Variants in SLC16A5 observed in about 807,000 individuals in gnomAD.
SLC16A5 encodes monocarboxylate transporter 6.
SLC16A5 carries 29 observed loss-of-function variants against 33.2 expected under a neutral mutation model. That is an observed-to-expected ratio of 0.87 (90% confidence interval 0.65 to 1.19). The LOEUF (loss-of-function observed/expected upper bound fraction) is 1.19, where lower values mean the gene tolerates loss of function less well. Among genes scored for constraint, SLC16A5 ranks in the 50% most tolerant of loss-of-function variants. SLC16A5 has a pLI of 0.00. For missense variants in SLC16A5, 606 were observed against 678.2 expected (o/e 0.89, Z 1.18); for synonymous variants, 248 against 284.1 (o/e 0.87, Z 1.28).
chr17:75,097,500 G>C (rs990152237), intron 3 of SLC16A5, among the ~76,000 whole-genome samples: 1 of 151,444 alleles, frequency 6.6e-6, no homozygotes, highest in Non-Finnish European at 1.5e-5. Context: ...AGGCGCAGAG[G>C]GGCCCAGGGT....
chr17:75,104,126 A>C lies in SLC16A5; in HGVS notation c.1310A>C (p.Asp437Ala). 2.5e-6 allele frequency: 4 copies of C among 1,614,172 alleles called. No homozygotes were observed. The highest frequency in any genetic ancestry group is 3.4e-6 in the Non-Finnish European group (4 of 1,180,032). ...GTCGCGGCGGATGCCCTGGAGCGGG[A>C]TCTTTTCTTGGAAGCCAAAGACGGT... ...QAVAADALER[D>A]LFLEAKDGPG... The change falls in exon 6 of 7, where the codon GAT (aspartate) becomes GCT (alanine). Residue 437 changes from aspartate (D) to alanine (A), a missense_variant. Transcript: ENST00000329783.
At chr17:75,101,294 C>G (rs1166793919) in intron 5 of SLC16A5, among the ~76,000 whole-genome samples, 2 of 149,260 alleles carry the variant, frequency 1.3e-5, no homozygotes, top group African/African-American at 4.9e-5. Flanking sequence ...GGTGCGGTGG[C>G]TCACGCCTGT....
At chr17:75,087,948 T>TGGCCCAGTCCCGCGGTCCTC (rs1284824644), upstream of SLC16A5, 1 of 152,054 alleles carries the variant, frequency 6.6e-6, no homozygotes, top group Non-Finnish European at 1.5e-5. Context: ...CCGCGGCGCT[T>TGGCCCAGTCCCGCGGTCCTC]GGCCCAGTCC....
downstream of SLC16A5, among the ~76,000 whole-genome samples, chr17:75,108,087 C>T (rs547237159): frequency 9.2e-5 from 14 of 152,172 alleles, no homozygotes; most frequent in South Asian, 2.1e-4. Context: ...GGCGACAGAG[C>T]GAGACTCCAT....
chr17:75,105,866 A>C lies in SLC16A5; in HGVS notation c.1365-14A>C, dbSNP rs2145088881. 2.5e-6 allele frequency: 4 copies of C among 1,574,880 alleles called. No individual in the cohort carries two copies. The East Asian group carries it at 9.2e-5, about 36-fold the overall frequency. The stretch of plus-strand genomic sequence containing the variant: ...CAAGAAAACCTTATCAGGAGATTTT[A>C]TTTTCATGAACAGGTGCCAGTCTTC... On this transcript the variant is annotated splice_polypyrimidine_tract_variant and intron_variant, in intron 6 of 6. Coordinates refer to ENST00000329783, the MANE Select transcript of SLC16A5 (RefSeq NM_004695.4).
chr17:75,100,104 C>T lies in SLC16A5; in HGVS notation c.441C>T (p.Gly147=), dbSNP rs142993518. Residue 147 remains glycine (G), a synonymous_variant, in exon 5 of 7, where the codon GGC becomes GGT. Transcript: ENST00000329783. ...TGGCCAACGCGCTGGCCTCGATGGG[C>T]GTCTCCCTGGGCATCACCCTCTGGC... The part of the protein sequence containing the change: ...RVLANALASM[G]VSLGITLWPL... 540 of 1,614,046 alleles carry T rather than the reference C, an allele frequency of 3.3e-4. 1 individual carries two copies. The African/African-American group carries it at 6.0e-3, about 18-fold the overall frequency.
In SLC16A5 at chr17:75,105,433, T is replaced by C; in HGVS notation, c.1365-447T>C. ...CAAGGGAAGCTCTTTTACTCCCCATTCCTGTCCTCCAGAGGCCCCCCTTTT... is the reference window on the plus strand; with the variant it reads ...CAAGGGAAGCTCTTTTACTCCCCATCCCTGTCCTCCAGAGGCCCCCCTTTT... On this transcript the variant is annotated intron_variant, in intron 6 of 6. Coordinates refer to ENST00000329783, the MANE Select transcript of SLC16A5 (RefSeq NM_004695.4). The C allele has an allele frequency of 2.0e-6, 2 of 985,354 alleles. 1 individual carries two copies. Among genetic ancestry groups the C allele is most frequent in the Middle Eastern group, 1.0e-3 (2 of 1,914 alleles). 61.0% of individuals were successfully genotyped at this position (985,354 alleles called of 1,614,324 possible).
In SLC16A5 at chr17:75,100,815, C is replaced by T. The variant is rs371576068; in HGVS notation, c.1152C>T (p.Ala384=). 3.0e-5 allele frequency: 48 copies of T among 1,581,876 alleles called. No individual in the cohort carries two copies. The highest frequency in any genetic ancestry group is 3.6e-5 in the Non-Finnish European group (42 of 1,160,788). The stretch of plus-strand genomic sequence containing the variant: ...CTTTCCTCATCTCCCCACCACTGGC[C>T]GGTGAGGAGCTGGGAGGGAGGGCAG... The part of the protein sequence containing the change: ...GLAFLISPPL[A]GLLLDATNNF... The change falls in exon 5 of 7, where the codon GCC becomes GCT. Residue 384 remains alanine, a splice_region_variant and synonymous_variant. Transcript: ENST00000329783.
chr17:75,098,423 A>G (rs1005449629), intron 4 of SLC16A5, among the ~76,000 whole-genome samples: 1 of 151,966 alleles, frequency 6.6e-6, no homozygotes, highest in Non-Finnish European at 1.5e-5. Context: ...AAAATTAGCC[A>G]GGCTTGGTGG....
intron 3 of SLC16A5, among the ~76,000 whole-genome samples, chr17:75,094,280 T>C (rs2073685767): frequency 6.6e-6 from 1 of 152,212 alleles, no homozygotes; most frequent in Non-Finnish European, 1.5e-5. Flanking sequence ...GACCACTGTC[T>C]TCCCTGGAGG....
chr17:75,109,181 A>T (rs1427154511), downstream of SLC16A5, among the ~76,000 whole-genome samples: 3 of 152,146 alleles, frequency 2.0e-5, no homozygotes, highest in Admixed American at 1.3e-4. This position sits in a 1 kb window ranked among gnomAD's most constrained non-coding sequence, Gnocchi z 5.0. Flanking sequence ...GGGCTTCAGC[A>T]TCCAGAAAGC....
intron 3 of SLC16A5, among the ~76,000 whole-genome samples, chr17:75,095,321 G>C (rs746636775): frequency 6.6e-5 from 10 of 152,116 alleles, no homozygotes; most frequent in Non-Finnish European, 1.3e-4. Context: ...GCTAGGAACC[G>C]GGCACCCGGC....
downstream of SLC16A5, among the ~76,000 whole-genome samples, chr17:75,108,787 A>C (rs1322511546): frequency 1.4e-5 from 2 of 147,862 alleles, no homozygotes; most frequent in African/African-American, 4.9e-5. Flanking sequence ...TCAAGGTTGG[A>C]CAAGCGGTTG....
At chr17:75,104,415 C>CTTTTTTT in intron 6 of SLC16A5, 1 of 1,004,238 alleles carries the variant, frequency 1.0e-6, no homozygotes, top group Non-Finnish European at 1.2e-6. Flanking sequence ...CTGAGAAACT[C>CTTTTTTT]TTTTTTTTTT....
chr17:75,089,909 AAGG>A (rs1385067890), intron 2 of SLC16A5: 2 of 152,146 alleles, frequency 1.3e-5, no homozygotes, highest in African/African-American at 4.8e-5. Flanking sequence ...AGAGTAGAAC[AAGG>A]AGATCGATCT....
intron 3 of SLC16A5, among the ~76,000 whole-genome samples, 179 bp downstream of exon 3, chr17:75,094,014 G>A (rs2073681862): frequency 6.6e-6 from 1 of 152,240 alleles, no homozygotes; most frequent in South Asian, 2.1e-4. Flanking sequence ...GACTGGGCTG[G>A]AGCCGGGGAG....
At chr17:75,106,333 T>G (rs1462095421), downstream of SLC16A5, among the ~76,000 whole-genome samples, 1 of 152,048 alleles carries the variant, frequency 6.6e-6, no homozygotes, top group African/African-American at 2.4e-5. Flanking sequence ...CCAAATCCTG[T>G]CTGCTCCATC....
intron 2 of SLC16A5, among the ~76,000 whole-genome samples, chr17:75,092,190 A>G (rs1268527955): frequency 6.6e-6 from 1 of 151,304 alleles, no homozygotes; most frequent in Non-Finnish European, 1.5e-5. Flanking sequence ...TGTGTCTGCT[A>G]GTGTGTCTTG....
Position 75,105,950 on chromosome 17 carries a change from A to G in SLC16A5, c.1435A>G (p.Arg479Gly), listed in dbSNP as rs755022254. 3.7e-6 allele frequency: 6 copies of G among 1,612,210 alleles called. 1 individual carries two copies. In the Middle Eastern group the frequency reaches 5.0e-4, roughly 133 times the overall value. ...TCTTTGGGGATGTCCTGCCTCCTCC[A>G]GGACCAGCCATGAGTGGCTCTTATG... ...KHLWGCPASS[R>G]TSHEWLLWPK... Residue 479 changes from arginine (R) to glycine (G), a missense_variant, in exon 7 of 7, where the codon AGG becomes GGG. Coordinates refer to ENST00000329783, the MANE Select transcript of SLC16A5 (RefSeq NM_004695.4).
Sources: allele counts gnomAD v4.1 joint callset (sites outside exome capture counted in the v4.1 genomes callset), GRCh38; gene constraint gnomAD v4.1.1; non-coding constraint Gnocchi (gnomAD v3.1); transcripts MANE v1.5; gene names NCBI Gene and HGNC (gene_info 2026-07-23, HGNC 2026-07-21).